The following NPAS3 variants were observed in gnomAD, a reference collection of about 807,000 sequenced individuals.
NPAS3 encodes neuronal PAS domain protein 3.
Under a neutral mutation model 73.1 loss-of-function variants are expected in NPAS3, and 14 were observed. That is an observed-to-expected ratio of 0.19 (90% CI 0.13 to 0.30). The LOEUF (loss-of-function observed/expected upper bound fraction) is 0.30, where lower values mean the gene tolerates loss of function less well. Ranked by LOEUF, NPAS3 falls within the 10% of genes least tolerant of loss-of-function variation. NPAS3 has a pLI of 1.00. For synonymous variants in NPAS3, 620 were observed against 541.5 expected (o/e 1.14, Z -2.01); for missense variants, 1,096 against 1,250.0 (o/e 0.88, Z 1.86).
chr14:33,531,054 C>T (rs915902091), intron 4 of NPAS3, among the ~76,000 whole-genome samples: 1 of 151,944 alleles, frequency 6.6e-6, no homozygotes, highest in Non-Finnish European at 1.5e-5. Flanking sequence ...TTGTTTTGTT[C>T]TGTTTTGTTC....
chr14:33,557,176 T>A (rs1053576223), intron 4 of NPAS3, among the ~76,000 whole-genome samples: 2 of 85,390 alleles, frequency 2.3e-5, no homozygotes, highest in Non-Finnish European at 5.6e-5. Flanking sequence ...GAGGTTCCGC[T>A]ATACTACATC....
chr14:33,008,670 G>T (rs953227347), intron 1 of NPAS3, among the ~76,000 whole-genome samples: 1 of 152,138 alleles, frequency 6.6e-6, no homozygotes, highest in African/African-American at 2.4e-5. Context: ...AATTTTGAGG[G>T]TTTTATAGGA....
chr14:33,121,692 A>C (rs2043236217), intron 2 of NPAS3, among the ~76,000 whole-genome samples: 1 of 152,164 alleles, frequency 6.6e-6, no homozygotes, highest in African/African-American at 2.4e-5. Context: ...GAATCATGTC[A>C]GATATCCTGG....
In NPAS3 at chr14:33,115,271, G is replaced by A. The variant is rs569182892; in HGVS notation, c.140+59277G>A. 2.6e-5 allele frequency among the ~76,000 whole-genome samples: 4 copies of A among 152,252 alleles called. No individual in the cohort carries two copies. The South Asian group carries it at 8.3e-4, about 32-fold the overall frequency. Reference sequence around the variant, plus strand: ...AGAGAAACGTTTCAACACAGTGGAAGGATTAGAAACTAGGTTTCAAAGGTT... The same window carrying A: ...AGAGAAACGTTTCAACACAGTGGAAAGATTAGAAACTAGGTTTCAAAGGTT... On this transcript the variant is annotated intron_variant, in intron 2 of 11. Coordinates refer to ENST00000356141, the Ensembl canonical transcript of NPAS3.
intron 3 of NPAS3, among the ~76,000 whole-genome samples, chr14:33,220,095 A>G (rs1389872055): frequency 6.6e-6 from 1 of 152,210 alleles, no homozygotes; most frequent in African/African-American, 2.4e-5. Flanking sequence ...GTCTTTTTGC[A>G]CGGGTAAAGG....
intron 4 of NPAS3, among the ~76,000 whole-genome samples, chr14:33,558,501 C>A (rs530738498): frequency 2.0e-5 from 3 of 152,276 alleles, no homozygotes; most frequent in African/African-American, 7.2e-5. Flanking sequence ...CTCAAGTGAT[C>A]TGCCAACCTT....
chr14:33,338,991 C>G (rs78601890), intron 3 of NPAS3, among the ~76,000 whole-genome samples: 5 of 152,096 alleles, frequency 3.3e-5, no homozygotes, highest in African/African-American at 1.2e-4. Context: ...AAGGAACTCA[C>G]CAAAGTTATT....
intron 4 of NPAS3, among the ~76,000 whole-genome samples, chr14:33,474,468 G>GA (rs1434260324): frequency 3.3e-5 from 5 of 152,064 alleles, no homozygotes; most frequent in African/African-American, 4.8e-5. Context: ...AGAATATACA[G>GA]AAAAATGTCA....
intron 1 of NPAS3, among the ~76,000 whole-genome samples, chr14:33,047,411 A>C (rs1208815036): frequency 6.6e-6 from 1 of 152,170 alleles, no homozygotes; most frequent in Non-Finnish European, 1.5e-5. Flanking sequence ...AAGAGATCAG[A>C]TGGTACCCAG....
intron 10 of NPAS3, among the ~76,000 whole-genome samples, chr14:33,795,064 G>C (rs1299948206): frequency 1.3e-5 from 2 of 152,208 alleles, no homozygotes; most frequent in Non-Finnish European, 2.9e-5. Flanking sequence ...CAGCCAAGTG[G>C]AGCTGGGAAG....
intron 4 of NPAS3, among the ~76,000 whole-genome samples, chr14:33,485,057 G>A (rs1265547570): frequency 6.6e-6 from 1 of 152,174 alleles, no homozygotes; most frequent in Non-Finnish European, 1.5e-5. Flanking sequence ...CCAGTAAATA[G>A]TACCTTTGGA....
chr14:33,114,284 C>G (rs1369780202), intron 2 of NPAS3, among the ~76,000 whole-genome samples: 1 of 152,300 alleles, frequency 6.6e-6, no homozygotes, highest in Admixed American at 6.5e-5. Flanking sequence ...ATCCACCCCC[C>G]TTTGGCCTCC....
intron 4 of NPAS3, among the ~76,000 whole-genome samples, chr14:33,379,687 G>T (rs2046456859): frequency 6.6e-6 from 1 of 152,168 alleles, no homozygotes; most frequent in Non-Finnish European, 1.5e-5. Flanking sequence ...CTTGAGGAAA[G>T]ATTGTGAATG....
intron 9 of NPAS3, among the ~76,000 whole-genome samples, chr14:33,788,616 C>A (rs1006620051): frequency 6.6e-6 from 1 of 152,184 alleles, no homozygotes; most frequent in African/African-American, 2.4e-5. Context: ...TGTAGAACAG[C>A]CCAACAGGAA....
intron 1 of NPAS3, among the ~76,000 whole-genome samples, chr14:32,985,366 A>G (rs943978021): frequency 6.6e-6 from 1 of 152,224 alleles, no homozygotes; most frequent in Non-Finnish European, 1.5e-5. Flanking sequence ...TATAGTACAC[A>G]AAAATTTTAA....
intron 6 of NPAS3, among the ~76,000 whole-genome samples, chr14:33,698,385 T>C (rs1175767671): frequency 6.6e-6 from 1 of 152,248 alleles, no homozygotes; most frequent in African/African-American, 2.4e-5. Context: ...TTCCATGTTC[T>C]TTTGAAGGGG....
intron 5 of NPAS3, among the ~76,000 whole-genome samples, chr14:33,570,195 A>C (rs1464680664): frequency 6.6e-6 from 1 of 152,252 alleles, no homozygotes. Flanking sequence ...ATGAGGATGG[A>C]AAATGAGATT....
At chr14:33,606,672 A>T (rs2057577687) in intron 5 of NPAS3, among the ~76,000 whole-genome samples, 1 of 152,188 alleles carries the variant, frequency 6.6e-6, no homozygotes, top group African/African-American at 2.4e-5. Context: ...AACTTTTGTG[A>T]CCTTCGGTTA....
chr14:33,762,493 A>G (rs1169678004), intron 7 of NPAS3, among the ~76,000 whole-genome samples: 3 of 152,200 alleles, frequency 2.0e-5, no homozygotes, highest in East Asian at 3.9e-4. Flanking sequence ...TGGTGGTTTC[A>G]ATTTTAATTT....
Sources: gnomAD v4.1 joint callset for allele counts (sites outside exome capture counted in the v4.1 genomes callset) on GRCh38, gnomAD v4.1.1 for gene constraint, MANE v1.5 for transcripts, NCBI Gene and HGNC (gene_info 2026-07-23, HGNC 2026-07-21) for gene names.